Variants in CAPG observed in about 807,000 individuals in gnomAD.
CAPG encodes capping actin protein, gelsolin like, also known as macrophage-capping protein.
A neutral mutation model predicts 44.6 loss-of-function variants in CAPG; 32 were observed. That is an observed-to-expected ratio of 0.72 (90% CI 0.54 to 0.96). CAPG has a LOEUF of 0.96. CAPG is among the 50% of genes least tolerant of loss of function. CAPG has a pLI of 0.00. For synonymous variants in CAPG, 175 were observed against 179.6 expected (o/e 0.97, Z 0.20); for missense variants, 412 against 438.3 (o/e 0.94, Z 0.54).
At chr2:85,406,127 C>T (rs920013637) in intron 1 of CAPG, among the ~76,000 whole-genome samples, 2 of 151,854 alleles carry the variant, frequency 1.3e-5, no homozygotes, top group Admixed American at 6.6e-5. Flanking sequence ...CATGGTGAAA[C>T]CCCGTCTCTA....
At position 85,395,506 on chromosome 2, in the gene CAPG, G is replaced by T; in HGVS notation, c.981+32C>A. 1 of 1,562,592 alleles carries T rather than the reference G, an allele frequency of 6.4e-7. No homozygotes were observed. The highest frequency in any genetic ancestry group is 8.8e-7 in the Non-Finnish European group (1 of 1,135,350). On this transcript the variant is annotated intron_variant, in intron 9 of 9. Transcript: ENST00000263867. This position sits in a 1 kb window ranked among gnomAD's most constrained non-coding sequence, Gnocchi z 4.3. Reference sequence around the variant, plus strand: ...TCAGGGGCCACAGGAAGAGCCCTAGGAAGAGGGCTGTGGTTGTGCGCATCT... The same window carrying T: ...TCAGGGGCCACAGGAAGAGCCCTAGTAAGAGGGCTGTGGTTGTGCGCATCT...
Position 85,394,971 on chromosome 2 carries a change from C to T in CAPG, c.982-13G>A, listed in dbSNP as rs748963506. 28 of 1,597,070 alleles carry T rather than the reference C, an allele frequency of 1.8e-5. No individual in the cohort carries two copies. The African/African-American group carries it at 2.1e-4, about 12-fold the overall frequency. On this transcript the variant is annotated splice_polypyrimidine_tract_variant and intron_variant, in intron 9 of 9. Transcript: ENST00000263867. Reference sequence around the variant, plus strand: ...GCAGAATCTCCACCTGCAGGGACAGCGGGGGAGAAGTCTGGTTCACAAAGT... The same window carrying T: ...GCAGAATCTCCACCTGCAGGGACAGTGGGGGAGAAGTCTGGTTCACAAAGT...
Position 85,395,053 on chromosome 2 carries a change from T to C in CAPG, c.982-95A>G, listed in dbSNP as rs1686522507. On this transcript the variant is annotated intron_variant, in intron 9 of 9. Coordinates refer to ENST00000263867, the MANE Select transcript of CAPG (RefSeq NM_001747.4). This position sits in a 1 kb window ranked among gnomAD's most constrained non-coding sequence, Gnocchi z 4.3. ...AGGGGGCCAGAGCCAGGGAGGAGGG[T>C]GTGGGCGCCTGGCCTGAATCCATGT... 1.2e-6 allele frequency: 1 copy of C among 824,684 alleles called. No homozygotes were observed. Among genetic ancestry groups the C allele is most frequent in the East Asian group, 2.6e-5 (1 of 38,830 alleles). The allele number at this position is 824,684 out of a possible 1,614,324, so 51.1% of individuals were successfully genotyped here.
chr2:85,399,584 G>A (rs544283251), intron 5 of CAPG, among the ~76,000 whole-genome samples: 2 of 152,252 alleles, frequency 1.3e-5, no homozygotes, highest in East Asian at 1.9e-4. Flanking sequence ...TTGACGTCAT[G>A]GGCTCAAGCA....
At position 85,403,311 on chromosome 2, in the gene CAPG, A is replaced by G. The variant is rs116667953; in HGVS notation, c.-13-1153T>C. On this transcript the variant is annotated intron_variant, in intron 1 of 9. Coordinates refer to ENST00000263867, the MANE Select transcript of CAPG (RefSeq NM_001747.4). ...AAGCTCATTCAAGAAGACACAGATTATCTGAACAGTGGCCATATCTATTAA... is the reference window on the plus strand; with the variant it reads ...AAGCTCATTCAAGAAGACACAGATTGTCTGAACAGTGGCCATATCTATTAA... 4.9e-3 allele frequency among the ~76,000 whole-genome samples: 754 copies of G among 152,348 alleles called. 5 individuals carry two copies. Among genetic ancestry groups the G allele is most frequent in the African/African-American group, 0.017 (721 of 41,580 alleles).
At position 85,395,502 on chromosome 2, in the gene CAPG, C is replaced by G. The variant is rs895467050; in HGVS notation, c.981+36G>C. ...GGGGTCAGGGGCCACAGGAAGAGCC[C>G]TAGGAAGAGGGCTGTGGTTGTGCGC... On this transcript the variant is annotated intron_variant, in intron 9 of 9. Coordinates refer to ENST00000263867, the MANE Select transcript of CAPG (RefSeq NM_001747.4). The surrounding 1 kb of genome is among the most constrained non-coding windows in gnomAD (Gnocchi z 4.3). 6.4e-7 allele frequency: 1 copy of G among 1,571,800 alleles called. No homozygotes were observed. Among genetic ancestry groups the G allele is most frequent in the Admixed American group, 1.7e-5 (1 of 59,448 alleles).
intron 1 of CAPG, among the ~76,000 whole-genome samples, chr2:85,407,641 A>ACCC (rs1687219493): frequency 7.4e-6 from 1 of 135,046 alleles, no homozygotes; most frequent in Non-Finnish European, 1.6e-5. Flanking sequence ...TGAACCTGGG[A>ACCC]GGTGGAGGTT....
upstream of CAPG, among the ~76,000 whole-genome samples, chr2:85,411,453 G>C (rs1197247787): frequency 3.9e-5 from 6 of 152,208 alleles, no homozygotes; most frequent in African/African-American, 1.4e-4. Flanking sequence ...AAACACACAG[G>C]GAGTGGAAGC....
chr2:85,392,377 G>A (rs1189616639), downstream of CAPG, among the ~76,000 whole-genome samples: 8 of 145,536 alleles, frequency 5.5e-5, no homozygotes, highest in South Asian at 2.2e-4. Flanking sequence ...GCAGCAGAGC[G>A]AGACTCCGTC....
intron 4 of CAPG, 83 bp downstream of exon 4, chr2:85,401,446 T>C (rs1165272025): frequency 6.3e-7 from 1 of 1,584,304 alleles, no homozygotes; most frequent in African/African-American, 1.3e-5. Context: ...CACCCGGGTC[T>C]TCTGCAGGGT....
intron 1 of CAPG, among the ~76,000 whole-genome samples, chr2:85,417,959 T>C (rs774177977): frequency 1.3e-5 from 2 of 152,146 alleles, no homozygotes; most frequent in Non-Finnish European, 1.5e-5. Flanking sequence ...AAAGCAGAGT[T>C]GTAGGCCAGG....
At chr2:85,406,321 C>T (rs1406017845) in intron 1 of CAPG, among the ~76,000 whole-genome samples, 1 of 151,926 alleles carries the variant, frequency 6.6e-6, no homozygotes, top group African/African-American at 2.4e-5. Flanking sequence ...ATTAAAATGT[C>T]GGTACTGACA....
chr2:85,403,962 G>A (rs1687027730), intron 1 of CAPG, among the ~76,000 whole-genome samples: 1 of 149,166 alleles, frequency 6.7e-6, no homozygotes, highest in South Asian at 2.1e-4. Context: ...AATAAACCAT[G>A]ATGACCAAAT....
rs117284777 is a variant in CAPG, at chr2:85,398,769, T to C, written c.680A>G (p.Lys227Arg). ...AGGGTTGCCCTCCTTCAGAGCAGGC[T>C]TGGGGCCCAGGACCTGCAGGGGCCA... ...PAEMIQVLGP[K>R]PALKEGNPEE... The change falls in exon 7 of 10, where the codon AAG (lysine) becomes AGG (arginine). Residue 227 changes from lysine to arginine, a missense_variant. Lys to Arg is a conservative substitution (Grantham distance 26, BLOSUM62 2). Coordinates refer to ENST00000263867, the MANE Select transcript of CAPG (RefSeq NM_001747.4). 1,933 of 1,604,810 alleles carry C rather than the reference T, an allele frequency of 1.2e-3. 33 individuals carry two copies. In the East Asian group the frequency reaches 0.038, roughly 32 times the overall value.
At chr2:85,411,119 G>C (rs1373925018), upstream of CAPG, among the ~76,000 whole-genome samples, 3 of 152,144 alleles carry the variant, frequency 2.0e-5, no homozygotes, top group African/African-American at 7.2e-5. Flanking sequence ...GCCTCCCAAA[G>C]TGCTGGGATT....
rs766766490 is a variant in CAPG, at chr2:85,399,168, T to C, written c.634A>G (p.Thr212Ala). ...RQGKAQVEIVTDGEEPAEMIQ... is the reference protein window; with the variant it reads ...RQGKAQVEIVADGEEPAEMIQ... ...ATCTCAGCAGGCTCCTCCCCATCAG[T>C]GACAATCTCCACCTGGGCCTTGCCC... The change falls in exon 6 of 10, where the codon ACT becomes GCT. Residue 212 changes from threonine to alanine, a missense_variant. Physicochemically the swap from Thr to Ala is moderately conservative, Grantham distance 58. Coordinates refer to ENST00000263867, the MANE Select transcript of CAPG (RefSeq NM_001747.4). 6.2e-7 allele frequency: 1 copy of C among 1,614,080 alleles called. No homozygotes were observed. The highest frequency in any genetic ancestry group is 1.7e-5 in the Admixed American group (1 of 60,010).
chr2:85,410,450 G>C (rs1436067056), upstream of CAPG: 2 of 152,350 alleles, frequency 1.3e-5, no homozygotes, highest in African/African-American at 4.8e-5. Context: ...AGCCGGTGTG[G>C]AGGCGATGTC....
chr2:85,406,530 G>A (rs1266906542), intron 1 of CAPG, among the ~76,000 whole-genome samples: 2 of 152,102 alleles, frequency 1.3e-5, no homozygotes, highest in Non-Finnish European at 1.5e-5. Flanking sequence ...CGCCGCCCCA[G>A]TGATGTCTGA....
upstream of CAPG, chr2:85,419,375 G>A (rs1687663319): frequency 6.6e-6 from 1 of 152,302 alleles, no homozygotes; most frequent in Non-Finnish European, 1.5e-5. Context: ...GGTTGCCCAA[G>A]GAGCTTCTGA....
Sources: allele counts gnomAD v4.1 joint callset (sites outside exome capture counted in the v4.1 genomes callset), GRCh38; gene constraint gnomAD v4.1.1; non-coding constraint Gnocchi (gnomAD v3.1); transcripts MANE v1.5; gene names NCBI Gene and HGNC (gene_info 2026-07-23, HGNC 2026-07-21).